Variants in DIP2C observed in about 807,000 individuals in gnomAD.
DIP2C encodes the protein DIP2 acetate--CoA ligase C (putative).
In DIP2C, 33 loss-of-function variants were observed where a neutral mutation model predicts 192.4. That is an observed-to-expected ratio of 0.17 (90% CI 0.13 to 0.23). The LOEUF is 0.23. DIP2C is among the 10% of genes least tolerant of loss of function. DIP2C has a pLI of 1.00. For synonymous variants in DIP2C, 979 were observed against 864.1 expected (o/e 1.13, Z -2.33); for missense variants, 1,537 against 2,110.1 (o/e 0.73, Z 5.32).
chr10:635,524 G>A (rs546162481), intron 1 of DIP2C, among the ~76,000 whole-genome samples: 25 of 152,372 alleles, frequency 1.6e-4, no homozygotes, highest in Admixed American at 6.5e-4. Context: ...GGGCCCATGG[G>A]GGCCTGGGCG....
intron 1 of DIP2C, among the ~76,000 whole-genome samples, chr10:543,587 A>G (rs1173324147): frequency 1.3e-5 from 2 of 152,220 alleles, no homozygotes; most frequent in African/African-American, 4.8e-5. Context: ...AACATATAGT[A>G]TGGATCGTTG....
At chr10:288,603 G>A (rs1009384816) in intron 32 of DIP2C, among the ~76,000 whole-genome samples, 182 bp from the exon 33 acceptor site, 2 of 152,224 alleles carry the variant, frequency 1.3e-5, no homozygotes, top group Admixed American at 6.5e-5. Flanking sequence ...AACCCGAAGC[G>A]AGGGCCACAG....
At chr10:477,898 AAG>A (rs556839416) in intron 2 of DIP2C, among the ~76,000 whole-genome samples, 124 of 129,162 alleles carry the variant, frequency 9.6e-4, no homozygotes, top group East Asian at 4.4e-3. Context: ...AGAAAAGGAA[AAG>A]AGAGGGAAAG....
At chr10:551,298 C>A (rs1016871427) in intron 1 of DIP2C, among the ~76,000 whole-genome samples, 1 of 152,192 alleles carries the variant, frequency 6.6e-6, no homozygotes, top group Non-Finnish European at 1.5e-5. Context: ...CGCCATGGAG[C>A]CTGGCATACA....
chr10:545,260 A>C (rs1564836192), intron 1 of DIP2C, among the ~76,000 whole-genome samples: 1 of 133,686 alleles, frequency 7.5e-6, no homozygotes, highest in Admixed American at 9.4e-5. Context: ...TCCGCCTCCC[A>C]GGTTCAAGCA....
chr10:350,173 T>G (rs1958721620), intron 24 of DIP2C, among the ~76,000 whole-genome samples: 1 of 152,150 alleles, frequency 6.6e-6, no homozygotes, highest in Admixed American at 6.5e-5. Flanking sequence ...AGCCTGGACC[T>G]GCTGGGCTCA....
At chr10:435,170 G>A (rs1202164290) in intron 4 of DIP2C, among the ~76,000 whole-genome samples, 1 of 151,748 alleles carries the variant, frequency 6.6e-6, no homozygotes, top group African/African-American at 2.4e-5. Context: ...GTTCTTTTTT[G>A]CTTTTTAGTG....
rs1006019522 is a variant in DIP2C at position 275,720 on chromosome 10, C to T, written c.*1605G>A. ...ACATCTTTCTCGGAGTGCAGATGCT[C>T]CTTCTTGGTTGGACACCGTGGGCCA... On this transcript the variant is annotated 3_prime_UTR_variant, in exon 37 of 37. Transcript: ENST00000280886. The T allele has an allele frequency of 6.6e-6, 1 of 152,076 alleles. No individual in the cohort carries two copies. The highest frequency in any genetic ancestry group is 2.4e-5 in the African/African-American group (1 of 41,400). The allele number at this position is 152,076 out of a possible 1,614,324, so 9.4% of individuals were successfully genotyped here.
At chr10:481,750 C>G (rs1240053227) in intron 2 of DIP2C, among the ~76,000 whole-genome samples, 2 of 152,230 alleles carry the variant, frequency 1.3e-5, no homozygotes, top group African/African-American at 4.8e-5. Flanking sequence ...ACGGTGGCGT[C>G]TGCCCTCAGG....
At chr10:340,018 TAAAAATA>T in intron 29 of DIP2C, among the ~76,000 whole-genome samples, 1 of 152,044 alleles carries the variant, frequency 6.6e-6, no homozygotes, top group South Asian at 2.1e-4. Context: ...TTGTCTCTAC[TAAAAATA>T]CAAAAATTAG....
chr10:410,343 T>C (rs565546013), intron 8 of DIP2C, among the ~76,000 whole-genome samples: 1 of 152,220 alleles, frequency 6.6e-6, no homozygotes. Context: ...TCTAGCATAT[T>C]CTTGAGCACT....
At chr10:417,344 C>T (rs891328382) in intron 6 of DIP2C, among the ~76,000 whole-genome samples, 5 of 152,050 alleles carry the variant, frequency 3.3e-5, no homozygotes, top group Non-Finnish European at 7.4e-5. Flanking sequence ...GCAGGATTTA[C>T]CTGGGGAACA....
chr10:462,597 A>G (rs764169784), intron 3 of DIP2C, among the ~76,000 whole-genome samples: 3 of 152,248 alleles, frequency 2.0e-5, no homozygotes, highest in East Asian at 3.8e-4. Context: ...CCAGAGGTAC[A>G]AAGAGGAGCT....
intron 10 of DIP2C, among the ~76,000 whole-genome samples, chr10:396,160 TTA>T (rs1465025713): frequency 1.3e-5 from 2 of 152,228 alleles, no homozygotes; most frequent in Admixed American, 1.3e-4. Context: ...AACGTACGGT[TTA>T]TGTCTCTACT....
chr10:598,455 A>G lies in DIP2C; in HGVS notation c.85+91039T>C, dbSNP rs552205672. 1.2e-3 allele frequency among the ~76,000 whole-genome samples: 178 copies of G among 152,358 alleles called. 1 individual carries two copies. Among genetic ancestry groups the G allele is most frequent in the African/African-American group, 4.1e-3 (169 of 41,596 alleles). On this transcript the variant is annotated intron_variant, in intron 1 of 36. Coordinates refer to ENST00000280886, the MANE Select transcript of DIP2C (RefSeq NM_014974.3). Reference sequence around the variant, plus strand: ...CACAAAACCGACATGCAATCATCACATGCATTTCCTGTGGGAAAGTCAGTC... The same window carrying G: ...CACAAAACCGACATGCAATCATCACGTGCATTTCCTGTGGGAAAGTCAGTC...
At chr10:336,917 T>C (rs1283887985) in intron 29 of DIP2C, among the ~76,000 whole-genome samples, 47 of 74,000 alleles carry the variant, frequency 6.4e-4, no homozygotes, top group Non-Finnish European at 1.4e-3. Flanking sequence ...TGTGTGTGTG[T>C]GTGTTGTGGA....
intron 15 of DIP2C, 70 bp from the exon 16 acceptor site, chr10:384,216 C>A: frequency 6.9e-7 from 1 of 1,453,782 alleles, no homozygotes; most frequent in South Asian, 1.2e-5. Flanking sequence ...AAAGAGAGAT[C>A]ATTGTGAGTA....
intron 1 of DIP2C, among the ~76,000 whole-genome samples, chr10:562,169 C>CA (rs1564202142): frequency 6.6e-6 from 1 of 152,186 alleles, no homozygotes; most frequent in Non-Finnish European, 1.5e-5. Context: ...TTAAGGTTCC[C>CA]AGTTACAGGC....
chr10:581,535 T>TA (rs2131591234), intron 1 of DIP2C, among the ~76,000 whole-genome samples: 1 of 152,360 alleles, frequency 6.6e-6, no homozygotes, highest in South Asian at 2.1e-4. Context: ...AAGATACAAG[T>TA]ATCTGGAAGA....
Sources: allele counts gnomAD v4.1 joint callset (sites outside exome capture counted in the v4.1 genomes callset), GRCh38; gene constraint gnomAD v4.1.1; transcripts MANE v1.5; gene names NCBI Gene and HGNC (gene_info 2026-07-23, HGNC 2026-07-21).